Variants in ZFP69 observed in about 807,000 individuals in gnomAD.
ZFP69 encodes ZFP69 zinc finger protein.
ZFP69 carries 35 observed loss-of-function variants against 48.9 expected under a neutral mutation model. That is an observed-to-expected ratio of 0.72 (90% CI 0.55 to 0.95). ZFP69 has a LOEUF of 0.95. ZFP69 is among the 40% of genes least tolerant of loss of function. The pLI, the probability that ZFP69 is intolerant of heterozygous loss-of-function variation, is 0.00. For missense variants in ZFP69, 557 were observed against 638.4 expected, an observed-to-expected ratio of 0.87 and a Z score of 1.37; for synonymous variants, 193 against 216.8, an observed-to-expected ratio of 0.89 and a Z score of 0.96.
rs896639816 is a variant in ZFP69, at chr1:40,481,656, T to C, written c.128-107T>C. On this transcript the variant is annotated intron_variant, in intron 2 of 5. Coordinates refer to ENST00000372706, the MANE Select transcript of ZFP69 (RefSeq NM_001320179.2). The stretch of plus-strand genomic sequence containing the variant: ...CTTGAGTCACTCTCAGTGTCCCTCT[T>C]TGTGAACCTTTTTGGGGGAGGAGCC... 1.2e-5 allele frequency: 10 copies of C among 818,532 alleles called. No individual in the cohort carries two copies. The African/African-American group carries it at 1.7e-4, about 14-fold the overall frequency. The allele number at this position is 818,532 out of a possible 1,614,324, so 50.7% of individuals were successfully genotyped here.
chr1:40,494,822 T>A, intron 5 of ZFP69, 99 bp from the exon 6 acceptor site: 1 of 1,035,602 alleles, frequency 9.7e-7, no homozygotes, highest in Non-Finnish European at 1.4e-6. Flanking sequence ...TATTTAAATA[T>A]AGTCAAAATC....
In ZFP69 at chr1:40,479,451, C is replaced by T. The variant is rs763504267; in HGVS notation, c.90C>T (p.Pro30=). 1.9e-6 allele frequency: 3 copies of T among 1,613,738 alleles called. No individual in the cohort carries two copies. Among genetic ancestry groups the T allele is most frequent in the African/African-American group, 1.3e-5 (1 of 74,864 alleles). ...CAAAGAAGGCCGTGGAGGGGGCGCC[C>T]CTGTGGGAGGATGTGACTAAAATGT... ...QHPKKAVEGA[P]LWEDVTKMFE... The change falls in exon 2 of 6, where the codon CCC becomes CCT. Residue 30 remains proline (P), a synonymous_variant. Transcript: ENST00000372706.
intron 5 of ZFP69, chr1:40,493,275 T>A (rs1193409399): frequency 6.6e-6 from 1 of 152,132 alleles, no homozygotes; most frequent in East Asian, 1.9e-4. Context: ...ACAAAATTGA[T>A]TTTGAATATT....
intron 3 of ZFP69, among the ~76,000 whole-genome samples, chr1:40,485,101 C>T (rs980085291): frequency 6.6e-5 from 10 of 151,464 alleles, no homozygotes; most frequent in South Asian, 2.1e-4. Context: ...CCATGGTGGC[C>T]GGGCTGGTCT....
In ZFP69 at chr1:40,495,326, C is replaced by T. The variant is rs780790718; in HGVS notation, c.848C>T (p.Pro283Leu). ...ATATGTGAAAAAATCTTCAAACAACCTATTCACCTTACTGAACATATGAGA... is the reference window on the plus strand; with the variant it reads ...ATATGTGAAAAAATCTTCAAACAACTTATTCACCTTACTGAACATATGAGA... ...CNICEKIFKQPIHLTEHMRIH... is the reference protein window; with the variant it reads ...CNICEKIFKQLIHLTEHMRIH... The change falls in exon 6 of 6, where the codon CCT becomes CTT. Residue 283 changes from proline to leucine, a missense_variant. Pro to Leu is a moderately conservative substitution (Grantham distance 98). Coordinates refer to ENST00000372706, the MANE Select transcript of ZFP69 (RefSeq NM_001320179.2). 1 of 1,614,090 alleles carries T rather than the reference C, an allele frequency of 6.2e-7. No individual in the cohort carries two copies. Among genetic ancestry groups the T allele is most frequent in the East Asian group, 2.2e-5 (1 of 44,874 alleles).
At chr1:40,483,226 ATTTT>A (rs56706952) in intron 3 of ZFP69, among the ~76,000 whole-genome samples, 7,927 of 116,942 alleles carry the variant, frequency 0.068, 428 homozygotes, top group African/African-American at 0.14. Context: ...ACCTTTTTTA[ATTTT>A]TTTTTTTTTT....
At chr1:40,492,860 A>G (rs12117222) in intron 5 of ZFP69, among the ~76,000 whole-genome samples, 2,042 of 152,228 alleles carry the variant, frequency 0.013, 25 homozygotes, top group Non-Finnish European at 0.022. Context: ...TTTTGTTGCT[A>G]CTGTAGATGG....
Position 40,495,812 on chromosome 1 carries a change from G to A in ZFP69, c.1334G>A (p.Gly445Glu). 6.2e-7 allele frequency: 1 copy of A among 1,614,190 alleles called. No homozygotes were observed. Among genetic ancestry groups the A allele is most frequent in the Non-Finnish European group, 8.5e-7 (1 of 1,180,038 alleles). The change falls in exon 6 of 6, where the codon GGA becomes GAA. Residue 445 changes from glycine to glutamate, a missense_variant. By Grantham distance (98) the Gly-to-Glu change is moderately conservative (BLOSUM62 -2). Transcript: ENST00000372706. ...AGACCCTACAAATGTAAAGAATGTG[G>A]AAAAGCCTTTAGGCAGAGGATACAC... ...GERPYKCKEC[G>E]KAFRQRIHLS...
chr1:40,486,982 T>C (rs1471508084), intron 3 of ZFP69, among the ~76,000 whole-genome samples: 1 of 151,134 alleles, frequency 6.6e-6, no homozygotes, highest in Non-Finnish European at 1.5e-5. Flanking sequence ...TGGAGTGCAG[T>C]GGCGAGATCT....
chr1:40,491,542 G>T (rs2124458437), intron 5 of ZFP69, among the ~76,000 whole-genome samples: 1 of 152,206 alleles, frequency 6.6e-6, no homozygotes, highest in Non-Finnish European at 1.5e-5. Context: ...CAAACTTTAA[G>T]ATTTTTGTAA....
chr1:40,494,254 AAATTTT>A (rs1422072060), intron 5 of ZFP69, among the ~76,000 whole-genome samples: 5 of 81,026 alleles, frequency 6.2e-5, no homozygotes, highest in African/African-American at 2.1e-4. Flanking sequence ...AAAAGATTCA[AAATTTT>A]TTTTTTTTTT....
intron 4 of ZFP69, 71 bp downstream of exon 4, chr1:40,489,285 G>A (rs755164784): frequency 1.3e-6 from 2 of 1,559,456 alleles, no homozygotes; most frequent in South Asian, 1.2e-5. Flanking sequence ...AATTATTGAT[G>A]TGTAGATTCC....
intron 3 of ZFP69, 79 bp from the exon 4 acceptor site, chr1:40,489,009 A>G (rs1231678398): frequency 1.9e-6 from 3 of 1,578,560 alleles, no homozygotes; most frequent in Middle Eastern, 3.4e-4. Context: ...AATCTCTCAG[A>G]ATTTAGAATA....
intron 3 of ZFP69, among the ~76,000 whole-genome samples, chr1:40,485,512 A>C (rs976259264): frequency 2.6e-5 from 4 of 152,174 alleles, no homozygotes; most frequent in Admixed American, 6.5e-5. Flanking sequence ...CTTATAACAA[A>C]TTATGAAAAT....
At chr1:40,486,493 C>G (rs1218607721) in intron 3 of ZFP69, among the ~76,000 whole-genome samples, 1 of 139,932 alleles carries the variant, frequency 7.1e-6, no homozygotes. Flanking sequence ...TCCCTCCCTC[C>G]CTCCCACCAC....
chr1:40,489,471 G>A lies in ZFP69; in HGVS notation c.347-58G>A, dbSNP rs116124962. ...AATACCAGAAGACTCAAAATTCTGA[G>A]GATGGTTCTTAGACATCAGCATAAA... On this transcript the variant is annotated intron_variant, in intron 4 of 5. Transcript: ENST00000372706. The A allele has an allele frequency of 5.7e-4, 852 of 1,487,874 alleles. 8 individuals carry two copies. In the African/African-American group the frequency reaches 0.011, roughly 19 times the overall value. The allele number at this position is 1,487,874 out of a possible 1,614,324, so 92.2% of individuals were successfully genotyped here. A position where few individuals can be genotyped will look rare whatever the true frequency, so the allele number is the denominator to read the frequency against.
rs78085853 is a variant in ZFP69, at chr1:40,478,049, T to G, written c.-327+155T>G. Reference sequence around the variant, plus strand: ...TGCACTTTGGTAACAAGACTTTTTATGTATTCAGGGGTGGGATATTTCTCA... The same window carrying G: ...TGCACTTTGGTAACAAGACTTTTTAGGTATTCAGGGGTGGGATATTTCTCA... On this transcript the variant is annotated intron_variant, in intron 1 of 5. Coordinates refer to ENST00000372706, the MANE Select transcript of ZFP69 (RefSeq NM_001320179.2). Among the ~76,000 whole-genome samples the G allele has an allele frequency of 4.4e-3, 674 of 152,104 alleles. 9 individuals are homozygous for G. The highest frequency in any genetic ancestry group is 0.016 in the African/African-American group (658 of 41,452).
chr1:40,479,013 C>T, intron 1 of ZFP69, 23 bp from the exon 2 acceptor site: 1 of 234,882 alleles, frequency 4.3e-6, no homozygotes, highest in Non-Finnish European at 8.5e-6. Flanking sequence ...GGGTATTTTG[C>T]AGTTTTAAAT....
At chr1:40,478,717 C>G (rs1446504444) in intron 1 of ZFP69, among the ~76,000 whole-genome samples, 3 of 152,150 alleles carry the variant, frequency 2.0e-5, no homozygotes, top group African/African-American at 7.2e-5. Context: ...ATTATTATCT[C>G]CATTTTATAG....
Sources: allele counts gnomAD v4.1 joint callset (sites outside exome capture counted in the v4.1 genomes callset), GRCh38; gene constraint gnomAD v4.1.1; transcripts MANE v1.5; gene names NCBI Gene and HGNC (gene_info 2026-07-23, HGNC 2026-07-21).